Variants in EPHA5 observed in about 807,000 individuals in gnomAD.
The protein encoded by EPHA5 is ephrin type-A receptor 5.
EPHA5 carries 60 observed loss-of-function variants against 105.0 expected under a neutral mutation model. The observed-to-expected ratio is 0.57, with a 90% CI of 0.46 to 0.71. The LOEUF is 0.71. Among genes scored for constraint, EPHA5 ranks in the 30% least tolerant of loss-of-function variants. EPHA5 has a pLI of 0.00. For missense variants in EPHA5, 1,218 were observed against 1,274.7 expected (o/e 0.96, Z 0.68); for synonymous variants, 513 against 449.1 (o/e 1.14, Z -1.80).
intron 3 of EPHA5, among the ~76,000 whole-genome samples, chr4:65,556,662 T>C (rs988953051): frequency 1.3e-5 from 2 of 152,154 alleles, no homozygotes; most frequent in Non-Finnish European, 2.9e-5. Context: ...GTAATATTAA[T>C]TGTTAATTGT....
intron 3 of EPHA5, among the ~76,000 whole-genome samples, chr4:65,577,211 A>G (rs1741145448): frequency 6.6e-6 from 1 of 152,136 alleles, no homozygotes; most frequent in Non-Finnish European, 1.5e-5. Flanking sequence ...TGATTTCTTT[A>G]CGGGTGCACT....
At chr4:65,495,250 G>T in intron 4 of EPHA5, 138 bp downstream of exon 4, 1 of 877,404 alleles carries the variant, frequency 1.1e-6, no homozygotes, top group Non-Finnish European at 1.7e-6. Context: ...ATTGAAAATT[G>T]GTGAAAACTG....
At chr4:65,442,552 A>G (rs1726122345) in intron 5 of EPHA5, among the ~76,000 whole-genome samples, 1 of 152,202 alleles carries the variant, frequency 6.6e-6, no homozygotes, top group Non-Finnish European at 1.5e-5. Context: ...CCACAAATCT[A>G]TATATCAGTG....
chr4:65,344,895 T>C (rs1419713064), intron 14 of EPHA5, among the ~76,000 whole-genome samples: 7 of 152,090 alleles, frequency 4.6e-5, no homozygotes, highest in Non-Finnish European at 1.0e-4. Flanking sequence ...TGGTTAGAAA[T>C]GAAAGAGAGG....
intron 11 of EPHA5, among the ~76,000 whole-genome samples, chr4:65,353,375 A>G (rs1313453686): frequency 6.7e-6 from 1 of 149,436 alleles, no homozygotes; most frequent in Admixed American, 6.7e-5. Flanking sequence ...CTATTTAAAT[A>G]TTTAAATATT....
intron 8 of EPHA5, among the ~76,000 whole-genome samples, chr4:65,403,358 T>C (rs1405636268): frequency 6.6e-6 from 1 of 151,558 alleles, no homozygotes; most frequent in East Asian, 1.9e-4. Flanking sequence ...ATATGAACAT[T>C]GATTTCCTGT....
intron 8 of EPHA5, among the ~76,000 whole-genome samples, chr4:65,376,510 G>T (rs769780953): frequency 1.3e-5 from 2 of 151,962 alleles, no homozygotes; most frequent in Non-Finnish European, 2.9e-5. Context: ...AATGAAATTA[G>T]GTAAACCATT....
intron 5 of EPHA5, among the ~76,000 whole-genome samples, chr4:65,423,262 C>T (rs559127866): frequency 1.2e-3 from 183 of 152,128 alleles, no homozygotes; most frequent in Non-Finnish European, 1.9e-3. Flanking sequence ...AAGGTACACA[C>T]TATCTACCTA....
chr4:65,573,379 C>G (rs1578459156), intron 3 of EPHA5: 1 of 870,276 alleles, frequency 1.1e-6, no homozygotes, highest in East Asian at 2.8e-5. Context: ...CCACTGCACT[C>G]CAGCCTGGGT....
chr4:65,385,014 A>C (rs1357209566), intron 8 of EPHA5, among the ~76,000 whole-genome samples: 1 of 151,740 alleles, frequency 6.6e-6, no homozygotes, highest in Non-Finnish European at 1.5e-5. Flanking sequence ...GATTATCATG[A>C]TGAACCTATT....
chr4:65,527,416 C>T (rs964503931), intron 3 of EPHA5, among the ~76,000 whole-genome samples: 4 of 151,892 alleles, frequency 2.6e-5, no homozygotes, highest in South Asian at 4.1e-4. Flanking sequence ...TCTGAATTAG[C>T]GATAGACACA....
intron 3 of EPHA5, among the ~76,000 whole-genome samples, chr4:65,589,433 C>T (rs1272856658): frequency 6.6e-6 from 1 of 152,098 alleles, no homozygotes; most frequent in Non-Finnish European, 1.5e-5. Context: ...AAAGTTCCCT[C>T]CCCACCTCCC....
At chr4:65,573,891 A>T in intron 3 of EPHA5, 1 of 1,612,228 alleles carries the variant, frequency 6.2e-7, no homozygotes, top group Non-Finnish European at 8.5e-7. Context: ...GCGAGCCAGC[A>T]TTACCCCCGG....
At chr4:65,488,787 C>T (rs1332478269) in intron 5 of EPHA5, among the ~76,000 whole-genome samples, 14 of 151,808 alleles carry the variant, frequency 9.2e-5, no homozygotes, top group Admixed American at 8.5e-4. Flanking sequence ...ATTCCTATTG[C>T]ATTAATCACA....
intron 1 of EPHA5, among the ~76,000 whole-genome samples, chr4:65,646,095 T>A (rs1748089644): frequency 6.6e-6 from 1 of 152,208 alleles, no homozygotes; most frequent in African/African-American, 2.4e-5. Flanking sequence ...ATCTTTCTTT[T>A]ACCTTCTGAA....
intron 10 of EPHA5, 108 bp downstream of exon 10, chr4:65,365,824 G>C: frequency 8.6e-7 from 1 of 1,163,876 alleles, no homozygotes; most frequent in East Asian, 2.4e-5. Context: ...TTGAATGCAA[G>C]CCAATTAGAA....
At chr4:65,589,871 T>C (rs1027792846) in intron 3 of EPHA5, among the ~76,000 whole-genome samples, 1 of 152,116 alleles carries the variant, frequency 6.6e-6, no homozygotes, top group Admixed American at 6.6e-5. Flanking sequence ...GCTGGTGAAA[T>C]CACATCACAT....
At chr4:65,477,690 G>A (rs1729962819) in intron 5 of EPHA5, among the ~76,000 whole-genome samples, 1 of 152,080 alleles carries the variant, frequency 6.6e-6, no homozygotes, top group African/African-American at 2.4e-5. Flanking sequence ...TGAGATTATA[G>A]GAGTGAGCCA....
At chr4:65,518,090 T>C (rs902286682) in intron 3 of EPHA5, among the ~76,000 whole-genome samples, 2 of 151,952 alleles carry the variant, frequency 1.3e-5, no homozygotes, top group South Asian at 4.1e-4. Context: ...ACATTTTACA[T>C]CAGTTTTATT....
Sources: allele counts gnomAD v4.1 joint callset (sites outside exome capture counted in the v4.1 genomes callset), GRCh38; gene constraint gnomAD v4.1.1; transcripts MANE v1.5; gene names NCBI Gene and HGNC (gene_info 2026-07-23, HGNC 2026-07-21).